SYNDIG1: variants seen among roughly 807,000 people sequenced by gnomAD.
The protein encoded by SYNDIG1 is synapse differentiation inducing 1.
In SYNDIG1, 9 loss-of-function variants were observed where a neutral mutation model predicts 19.4. That is an observed-to-expected ratio of 0.46 (90% confidence interval 0.28 to 0.81). The LOEUF (loss-of-function observed/expected upper bound fraction) is 0.81, where lower values mean the gene tolerates loss of function less well. Among genes scored for constraint, SYNDIG1 ranks in the 30% least tolerant of loss-of-function variants. The pLI, the probability that SYNDIG1 is intolerant of heterozygous loss-of-function variation, is 0.12. For missense variants in SYNDIG1, 311 were observed against 343.3 expected (o/e 0.91, Z 0.74); for synonymous variants, 141 against 145.9 (o/e 0.97, Z 0.24).
intron 3 of SYNDIG1, among the ~76,000 whole-genome samples, chr20:24,629,517 G>A (rs181897203): frequency 2.0e-5 from 3 of 152,196 alleles, no homozygotes; most frequent in East Asian, 1.9e-4. Flanking sequence ...AAACTGACAG[G>A]AAGCCAAATG....
intron 1 of SYNDIG1, among the ~76,000 whole-genome samples, chr20:24,513,537 C>T (rs2079182962): frequency 6.6e-6 from 1 of 152,000 alleles, no homozygotes; most frequent in Admixed American, 6.5e-5. Flanking sequence ...GATTGAAGAT[C>T]AAATGAATGA....
intron 1 of SYNDIG1, among the ~76,000 whole-genome samples, chr20:24,483,070 G>T (rs146162246): frequency 3.9e-5 from 6 of 152,306 alleles, no homozygotes; most frequent in African/African-American, 1.4e-4. Context: ...GTAATCAGAG[G>T]TCTGGATGTA....
intron 2 of SYNDIG1, among the ~76,000 whole-genome samples, chr20:24,573,549 A>G (rs1340064727): frequency 6.6e-6 from 1 of 152,244 alleles, no homozygotes; most frequent in Non-Finnish European, 1.5e-5. Context: ...AGAAAACAGT[A>G]TCATCGCCAG....
At chr20:24,606,971 G>A (rs1346520665) in intron 3 of SYNDIG1, among the ~76,000 whole-genome samples, 1 of 152,224 alleles carries the variant, frequency 6.6e-6, no homozygotes, top group East Asian at 1.9e-4. Context: ...GAAATAAGGA[G>A]TTTGCAAGAA....
At chr20:24,498,757 C>T (rs1014265297) in intron 1 of SYNDIG1, among the ~76,000 whole-genome samples, 17 of 152,184 alleles carry the variant, frequency 1.1e-4, no homozygotes, top group African/African-American at 2.4e-4. Context: ...TTCCCTCTTT[C>T]GTAAGGTTGA....
intron 1 of SYNDIG1, among the ~76,000 whole-genome samples, chr20:24,539,991 A>G (rs953999465): frequency 6.6e-6 from 1 of 152,116 alleles, no homozygotes; most frequent in African/African-American, 2.4e-5. Flanking sequence ...GATGTTGGCC[A>G]GGCTGGTTTC....
In SYNDIG1 at chr20:24,665,683, G is replaced by A. The variant is rs940924341; in HGVS notation, c.*179G>A. 2.6e-6 allele frequency: 2 copies of A among 782,050 alleles called. No individual in the cohort carries two copies. Among genetic ancestry groups the A allele is most frequent in the Admixed American group, 3.6e-5 (1 of 27,648 alleles). The allele number at this position is 782,050 out of a possible 1,614,324, so 48.4% of individuals were successfully genotyped here. ...CCTTTAATTTCATGTTCACAGCACT[G>A]TGTAGAGCACCAGACAGACGGGCAC... On this transcript the variant is annotated 3_prime_UTR_variant, in exon 4 of 4. Coordinates refer to ENST00000376862, the MANE Select transcript of SYNDIG1 (RefSeq NM_024893.3).
At chr20:24,581,412 T>G (rs1292543037) in intron 2 of SYNDIG1, among the ~76,000 whole-genome samples, 1 of 152,140 alleles carries the variant, frequency 6.6e-6, no homozygotes. Context: ...CCGTGCTCCC[T>G]GAGGTCAAGG....
chr20:24,476,098 T>C (rs1175199885), intron 1 of SYNDIG1, among the ~76,000 whole-genome samples: 2 of 152,022 alleles, frequency 1.3e-5, no homozygotes, highest in Non-Finnish European at 2.9e-5. Flanking sequence ...TGACCTTAAG[T>C]GATCTGCCCG....
intron 1 of SYNDIG1, among the ~76,000 whole-genome samples, chr20:24,501,610 GT>G (rs1044004553): frequency 3.3e-5 from 5 of 152,206 alleles, no homozygotes; most frequent in Admixed American, 2.0e-4. Flanking sequence ...GTGACCATCA[GT>G]GACATACTTT....
intron 2 of SYNDIG1, among the ~76,000 whole-genome samples, chr20:24,580,331 A>G (rs1221197964): frequency 1.3e-5 from 2 of 152,110 alleles, no homozygotes; most frequent in African/African-American, 4.8e-5. Context: ...ACTCCAGAAC[A>G]TTCCTGGCAG....
chr20:24,589,461 C>T (rs1385591450), intron 3 of SYNDIG1, among the ~76,000 whole-genome samples: 3 of 152,222 alleles, frequency 2.0e-5, no homozygotes, highest in Admixed American at 6.5e-5. Context: ...ACCATCCCCC[C>T]ACCCTGCTTG....
intron 1 of SYNDIG1, among the ~76,000 whole-genome samples, chr20:24,501,667 T>C (rs973834128): frequency 3.3e-5 from 5 of 152,324 alleles, no homozygotes; most frequent in Non-Finnish European, 7.4e-5. Flanking sequence ...GGGGTAGTTA[T>C]AGAATGTCCA....
intron 2 of SYNDIG1, among the ~76,000 whole-genome samples, chr20:24,566,600 A>C (rs904710437): frequency 1.3e-5 from 2 of 152,164 alleles, no homozygotes; most frequent in African/African-American, 4.8e-5. Context: ...TGCAATCACT[A>C]ATCACTAATC....
intron 1 of SYNDIG1, among the ~76,000 whole-genome samples, chr20:24,540,537 A>G (rs2057448723): frequency 6.6e-6 from 1 of 152,112 alleles, no homozygotes; most frequent in Non-Finnish European, 1.5e-5. Context: ...TGTTGAGGTA[A>G]TTTCTTTCTA....
chr20:24,627,936 A>G (rs1292025185), intron 3 of SYNDIG1, among the ~76,000 whole-genome samples: 1 of 152,244 alleles, frequency 6.6e-6, no homozygotes, highest in Non-Finnish European at 1.5e-5. Context: ...GAAAACTTGA[A>G]GAGGAGGCTC....
chr20:24,645,575 C>T (rs2059415489), intron 3 of SYNDIG1, among the ~76,000 whole-genome samples: 2 of 152,162 alleles, frequency 1.3e-5, no homozygotes, highest in Non-Finnish European at 2.9e-5. Flanking sequence ...AAGACTGCCT[C>T]GGTGTGTGCA....
At chr20:24,575,718 T>C in intron 2 of SYNDIG1, among the ~76,000 whole-genome samples, 1 of 152,242 alleles carries the variant, frequency 6.6e-6, no homozygotes, top group East Asian at 1.9e-4. Context: ...GAATATAAAA[T>C]GATTTAGGAA....
chr20:24,512,222 A>C lies in SYNDIG1; in HGVS notation c.-78-30798A>C, dbSNP rs1201356420. On this transcript the variant is annotated intron_variant, in intron 1 of 3. Coordinates refer to ENST00000376862, the MANE Select transcript of SYNDIG1 (RefSeq NM_024893.3). Reference sequence around the variant, plus strand: ...CAGCTCCCAGCGTGAGCGATGAAGAAGATGGGTGATTTCTGCATTTCCAAC... The same window carrying C: ...CAGCTCCCAGCGTGAGCGATGAAGACGATGGGTGATTTCTGCATTTCCAAC... Among the ~76,000 whole-genome samples, 5 of 148,392 alleles carry C rather than the reference A, an allele frequency of 3.4e-5. 1 individual carries two copies.
Sources: gnomAD v4.1 joint callset for allele counts (sites outside exome capture counted in the v4.1 genomes callset) on GRCh38, gnomAD v4.1.1 for gene constraint, MANE v1.5 for transcripts, NCBI Gene and HGNC (gene_info 2026-07-23, HGNC 2026-07-21) for gene names.